Variants in LRRTM4 observed in about 807,000 individuals in gnomAD.
LRRTM4 encodes the protein leucine-rich repeat transmembrane neuronal protein 4.
LRRTM4 carries 25 observed loss-of-function variants against 47.6 expected under a neutral mutation model. That is an observed-to-expected ratio of 0.53 (90% confidence interval 0.38 to 0.73). The LOEUF is 0.73. LRRTM4 is among the 30% of genes least tolerant of loss of function. LRRTM4 has a pLI of 0.00. For synonymous variants in LRRTM4, 311 were observed against 269.5 expected (o/e 1.15, Z -1.51); for missense variants, 638 against 713.4 (o/e 0.89, Z 1.20).
chr2:77,167,014 G>C (rs148460170), intron 3 of LRRTM4, among the ~76,000 whole-genome samples: 5,927 of 152,040 alleles, frequency 0.039, 217 homozygotes, highest in African/African-American at 0.097. Flanking sequence ...TCAGAGTGAA[G>C]AGGCAACCTA....
At chr2:77,472,944 T>C (rs965925093) in intron 3 of LRRTM4, among the ~76,000 whole-genome samples, 1 of 152,168 alleles carries the variant, frequency 6.6e-6, no homozygotes, top group African/African-American at 2.4e-5. Flanking sequence ...CAATCTCATA[T>C]CACTTGTTAT....
intron 3 of LRRTM4, among the ~76,000 whole-genome samples, chr2:76,877,046 C>T (rs1299904082): frequency 2.0e-5 from 3 of 152,030 alleles, no homozygotes; most frequent in African/African-American, 4.8e-5. Flanking sequence ...CATCTTTTCT[C>T]ATCTAGAATT....
At chr2:76,845,683 AT>A (rs1395582283) in intron 3 of LRRTM4, among the ~76,000 whole-genome samples, 1 of 152,148 alleles carries the variant, frequency 6.6e-6, no homozygotes, top group Admixed American at 6.5e-5. Flanking sequence ...AACATGAAAT[AT>A]TTTTCAGTCT....
intron 3 of LRRTM4, among the ~76,000 whole-genome samples, chr2:77,226,954 G>A (rs1674831512): frequency 6.6e-6 from 1 of 151,892 alleles, no homozygotes; most frequent in Admixed American, 6.6e-5. Context: ...CTGTGCTCCA[G>A]GTTATATTTT....
At chr2:77,313,721 C>T (rs1316812532) in intron 3 of LRRTM4, among the ~76,000 whole-genome samples, 1 of 152,182 alleles carries the variant, frequency 6.6e-6, no homozygotes, top group Non-Finnish European at 1.5e-5. Context: ...CTCCTACGTA[C>T]AATTGATAGA....
intron 3 of LRRTM4, among the ~76,000 whole-genome samples, chr2:76,906,322 G>C (rs1160307968): frequency 6.6e-6 from 1 of 152,036 alleles, no homozygotes; most frequent in South Asian, 2.1e-4. Flanking sequence ...CACCAGGCCT[G>C]CCCTAAAAGA....
chr2:76,955,460 T>C (rs1675641064), intron 3 of LRRTM4, among the ~76,000 whole-genome samples: 1 of 151,564 alleles, frequency 6.6e-6, no homozygotes, highest in Non-Finnish European at 1.5e-5. Flanking sequence ...AGACATAAGA[T>C]ATGAAAAATA....
At chr2:76,919,212 T>C (rs1053120477) in intron 3 of LRRTM4, among the ~76,000 whole-genome samples, 10 of 152,150 alleles carry the variant, frequency 6.6e-5, no homozygotes, top group African/African-American at 2.4e-4. Context: ...TTCAATCATA[T>C]ACGCACCTAA....
chr2:77,051,416 G>A (rs1384205771), intron 3 of LRRTM4, among the ~76,000 whole-genome samples: 1 of 152,130 alleles, frequency 6.6e-6, no homozygotes, highest in Non-Finnish European at 1.5e-5. Context: ...ACTTCCTAAA[G>A]AAGTTCTCAG....
At chr2:77,142,223 A>T (rs1361977329) in intron 3 of LRRTM4, among the ~76,000 whole-genome samples, 3 of 152,186 alleles carry the variant, frequency 2.0e-5, no homozygotes, top group African/African-American at 7.2e-5. Context: ...GAACATTTAC[A>T]ACATCAAATT....
intron 3 of LRRTM4, among the ~76,000 whole-genome samples, chr2:77,354,727 G>A (rs1478240480): frequency 6.6e-6 from 1 of 152,096 alleles, no homozygotes; most frequent in Non-Finnish European, 1.5e-5. Context: ...TCTAGACAAG[G>A]AAGCTGGCCT....
chr2:77,084,497 T>C (rs1199202684), intron 3 of LRRTM4, among the ~76,000 whole-genome samples: 2 of 152,254 alleles, frequency 1.3e-5, no homozygotes, highest in African/African-American at 2.4e-5. Context: ...CTACGTATCG[T>C]ACTTAATATT....
At chr2:77,514,177 A>G (rs1679124019) in intron 3 of LRRTM4, among the ~76,000 whole-genome samples, 1 of 152,050 alleles carries the variant, frequency 6.6e-6, no homozygotes, top group African/African-American at 2.4e-5. Flanking sequence ...ACCATGACAC[A>G]GTTGTAGTCA....
At chr2:77,028,667 G>A (rs1200884786) in intron 3 of LRRTM4, among the ~76,000 whole-genome samples, 1 of 151,960 alleles carries the variant, frequency 6.6e-6, no homozygotes, top group Admixed American at 6.6e-5. Context: ...AAGGCAGACA[G>A]AAATAAACAC....
intron 3 of LRRTM4, among the ~76,000 whole-genome samples, chr2:77,418,418 GA>G (rs1389834163): frequency 6.6e-6 from 1 of 152,198 alleles, no homozygotes; most frequent in Non-Finnish European, 1.5e-5. Flanking sequence ...GGTCACGTTA[GA>G]AAATTATTAC....
intron 3 of LRRTM4, among the ~76,000 whole-genome samples, chr2:76,935,854 G>C (rs1674928126): frequency 6.6e-6 from 1 of 152,086 alleles, no homozygotes; most frequent in Non-Finnish European, 1.5e-5. Flanking sequence ...GCCTGAATGT[G>C]CTGGCCAGAA....
intron 3 of LRRTM4, among the ~76,000 whole-genome samples, chr2:77,368,863 G>A (rs1439160808): frequency 6.6e-6 from 1 of 151,726 alleles, no homozygotes; most frequent in Non-Finnish European, 1.5e-5. Context: ...ATATGCAGGG[G>A]AAGAATTGCT....
intron 3 of LRRTM4, among the ~76,000 whole-genome samples, chr2:76,795,002 G>T (rs572866801): frequency 3.3e-5 from 5 of 151,734 alleles, no homozygotes; most frequent in African/African-American, 1.2e-4. Flanking sequence ...AAGCTATAAA[G>T]AAAAATATTA....
At chr2:77,429,979 T>C (rs1675297855) in intron 3 of LRRTM4, among the ~76,000 whole-genome samples, 2 of 151,988 alleles carry the variant, frequency 1.3e-5, no homozygotes, top group Admixed American at 1.3e-4. Flanking sequence ...GGCAGGGGAA[T>C]CACTTGGACC....
Sources: allele counts gnomAD v4.1 joint callset (sites outside exome capture counted in the v4.1 genomes callset), GRCh38; gene constraint gnomAD v4.1.1; transcripts MANE v1.5; gene names NCBI Gene and HGNC (gene_info 2026-07-23, HGNC 2026-07-21).